EXPH5: variants seen among roughly 807,000 people sequenced by gnomAD.
EXPH5 encodes the protein exophilin 5.
In EXPH5, 42 loss-of-function variants were observed where a neutral mutation model predicts 41.1. The ratio of observed to expected loss-of-function variants is 1.02; its 90% CI spans 0.80 to 1.32. The LOEUF is 1.32. EXPH5 is among the 40% of genes most tolerant of loss of function. The pLI is 0.00. For synonymous variants in EXPH5, 798 were observed against 833.5 expected (o/e 0.96, Z 0.73); for missense variants, 2,298 against 2,314.5 (o/e 0.99, Z 0.15).
In EXPH5 at chr11:108,514,891, G is replaced by A. The variant is rs1686924460; in HGVS notation, c.632-16C>T. 1 of 1,396,500 alleles carries A rather than the reference G, an allele frequency of 7.2e-7. No homozygotes were observed. The highest frequency in any genetic ancestry group is 9.3e-7 in the Non-Finnish European group (1 of 1,070,270). 86.5% of individuals were successfully genotyped at this position (1,396,500 alleles called of 1,614,324 possible). On this transcript the variant is annotated splice_polypyrimidine_tract_variant and intron_variant, in intron 5 of 5. Transcript: ENST00000265843. ...TCATCTAAAACTGAAAAGAGAATGT[G>A]AATCAACCTTTTTCTGTATGTTTTT...
At chr11:108,524,316 T>C (rs956238332) in intron 4 of EXPH5, among the ~76,000 whole-genome samples, 1 of 152,204 alleles carries the variant, frequency 6.6e-6, no homozygotes, top group Non-Finnish European at 1.5e-5. Flanking sequence ...GCTGTAAGAA[T>C]TAGGTGAATT....
At position 108,511,286 on chromosome 11, in the gene EXPH5, T is replaced by G. The variant is rs969838832; in HGVS notation, c.4221A>C (p.Glu1407Asp). ...SLMLQRKNVSEEKSENCQQSI... is the reference protein window; with the variant it reads ...SLMLQRKNVSDEKSENCQQSI... ...ATTGTTGACAATTTTCAGATTTTTC[T>G]TCGGATACATTTTTTCTCTGAAGCA... The change falls in exon 6 of 6, where the codon GAA becomes GAC. Residue 1407 changes from glutamate to aspartate, a missense_variant. By Grantham distance (45) the Glu-to-Asp change is conservative. Coordinates refer to ENST00000265843, the MANE Select transcript of EXPH5 (RefSeq NM_015065.3). 3.1e-6 allele frequency: 5 copies of G among 1,603,708 alleles called. No homozygotes were observed. The highest frequency in any genetic ancestry group is 4.2e-6 in the Non-Finnish European group (5 of 1,177,110).
At chr11:108,582,481 A>G (rs2094101403) in intron 1 of EXPH5, among the ~76,000 whole-genome samples, 1 of 151,806 alleles carries the variant, frequency 6.6e-6, no homozygotes, top group African/African-American at 2.4e-5. Flanking sequence ...AAAAAAAAAA[A>G]GGATAGAAAA....
chr11:108,590,868 G>C (rs759736923), intron 1 of EXPH5, among the ~76,000 whole-genome samples: 22 of 152,136 alleles, frequency 1.4e-4, no homozygotes, highest in Non-Finnish European at 3.1e-4. Context: ...GGTCAGGCTG[G>C]TCTCAAACTC....
intron 1 of EXPH5, among the ~76,000 whole-genome samples, chr11:108,571,940 C>T (rs911337579): frequency 6.6e-6 from 1 of 151,396 alleles, no homozygotes; most frequent in Non-Finnish European, 1.5e-5. Context: ...CCCAGCTACT[C>T]GGAGAGGCTG....
intron 1 of EXPH5, among the ~76,000 whole-genome samples, chr11:108,588,647 C>T (rs536382575): frequency 6.6e-6 from 1 of 152,252 alleles, no homozygotes; most frequent in East Asian, 1.9e-4. Flanking sequence ...TGGGTCAATA[C>T]TCAACAAATG....
Position 108,511,854 on chromosome 11 carries a change from G to T in EXPH5, c.3653C>A (p.Ser1218Ter), listed in dbSNP as rs777021599. The change falls in exon 6 of 6, where the codon TCA (serine) becomes TAA (stop). Residue 1218 changes from serine to a stop codon, truncating the protein, a stop_gained. Coordinates refer to ENST00000265843, the MANE Select transcript of EXPH5 (RefSeq NM_015065.3). LOFTEE classifies it low-confidence loss of function (END_TRUNC). ...EDPLPFCSDL[S>*]GKERGKTLHK... is the part of the protein sequence containing the mutation. Reference sequence around the variant, plus strand: ...TAATGTTTTCCCACGTTCTTTTCCTGACAAGTCTGAGCAAAAAGGTAAAGG... The same window carrying T: ...TAATGTTTTCCCACGTTCTTTTCCTTACAAGTCTGAGCAAAAAGGTAAAGG... 36 of 1,589,156 alleles carry T rather than the reference G, an allele frequency of 2.3e-5. No individual in the cohort carries two copies. The highest frequency in any genetic ancestry group is 2.8e-5 in the Non-Finnish European group (33 of 1,172,488).
chr11:108,603,256 T>C, the EXPH5 span, among the ~76,000 whole-genome samples: 4 of 152,234 alleles, frequency 2.6e-5, no homozygotes, highest in Non-Finnish European at 5.9e-5. Flanking sequence ...GCCTTTTGGA[T>C]TGCTGAACAT....
upstream of EXPH5, among the ~76,000 whole-genome samples, chr11:108,598,083 A>T (rs2094141183): frequency 6.6e-6 from 1 of 152,110 alleles, no homozygotes; most frequent in East Asian, 1.9e-4. Context: ...AGGGTGGAGA[A>T]TGGGAGGGAT....
chr11:108,530,806 G>A (rs930668870), intron 3 of EXPH5, among the ~76,000 whole-genome samples: 16 of 152,204 alleles, frequency 1.1e-4, no homozygotes, highest in African/African-American at 1.7e-4. Context: ...GCGTGAGGGC[G>A]TGCCGCTAGT....
chr11:108,566,975 C>T (rs2094037465), intron 1 of EXPH5, among the ~76,000 whole-genome samples: 3 of 152,300 alleles, frequency 2.0e-5, no homozygotes. Flanking sequence ...CCACAAAACC[C>T]TTTAACACAG....
rs747989478 is a variant in EXPH5, at chr11:108,514,481, T to A, written c.1026A>T (p.Leu342Phe). ...TGCTCTGAGTTGTGGCTGGAAAATGTAAGCTTCTTGCTGTGAAATGCCCTG... is the reference window on the plus strand; with the variant it reads ...TGCTCTGAGTTGTGGCTGGAAAATGAAAGCTTCTTGCTGTGAAATGCCCTG... The part of the protein sequence containing the change: ...PATGHFTARS[L>F]HFPATTQSKS... Residue 342 changes from leucine to phenylalanine, a missense_variant, in exon 6 of 6, where the codon TTA becomes TTT. Transcript: ENST00000265843. 1.2e-6 allele frequency: 2 copies of A among 1,613,132 alleles called. No individual in the cohort carries two copies. Among genetic ancestry groups the A allele is most frequent in the South Asian group, 2.2e-5 (2 of 90,794 alleles).
At chr11:108,519,545 G>A (rs184072919) in intron 4 of EXPH5, among the ~76,000 whole-genome samples, 1 of 152,170 alleles carries the variant, frequency 6.6e-6, no homozygotes, top group Admixed American at 6.5e-5. Flanking sequence ...CCAGGAGTTC[G>A]AAACCAGCCT....
In EXPH5 at chr11:108,541,250, A is replaced by G. The variant is rs116207081; in HGVS notation, c.280+402T>C. Among the ~76,000 whole-genome samples the G allele has an allele frequency of 6.5e-3, 987 of 152,264 alleles. 15 individuals carry two copies. The highest frequency in any genetic ancestry group is 0.022 in the African/African-American group (926 of 41,552). Reference sequence around the variant, plus strand: ...AAACATAATTTTACTTAATTCTCGTAACCACCTTATGAGGTGTAGGTATCA... The same window carrying G: ...AAACATAATTTTACTTAATTCTCGTGACCACCTTATGAGGTGTAGGTATCA... On this transcript the variant is annotated intron_variant, in intron 2 of 5. Transcript: ENST00000265843.
chr11:108,545,289 C>A (rs2093932805), intron 1 of EXPH5, among the ~76,000 whole-genome samples: 1 of 152,104 alleles, frequency 6.6e-6, no homozygotes, highest in Non-Finnish European at 1.5e-5. Flanking sequence ...TTGCTTGCAC[C>A]TGTGGTCCTA....
upstream of EXPH5, chr11:108,593,815 G>GCCCTCCCTTGTC: frequency 2.1e-6 from 3 of 1,429,142 alleles, no homozygotes; most frequent in Non-Finnish European, 2.9e-6. Flanking sequence ...AAGGGGGCGG[G>GCCCTCCCTTGTC]CCCTCCCTTG....
At chr11:108,545,684 A>G (rs964927612) in intron 1 of EXPH5, among the ~76,000 whole-genome samples, 21 of 152,210 alleles carry the variant, frequency 1.4e-4, no homozygotes, top group Admixed American at 2.6e-4. Context: ...GGGAGGATCA[A>G]TTGAGGCCAG....
At chr11:108,519,495 C>T (rs2093750018) in intron 4 of EXPH5, among the ~76,000 whole-genome samples, 1 of 152,076 alleles carries the variant, frequency 6.6e-6, no homozygotes, top group Admixed American at 6.6e-5. Flanking sequence ...ACCTGTAATC[C>T]CCGCACTTTG....
rs2093713899 is a variant in EXPH5 at position 108,514,852 on chromosome 11, A to G, written c.655T>C (p.Leu219=). ...FQVLDDLDSK[L]AQEQSASSVN... ...GAGCTTGCAGACTGTTCCTGAGCCA[A>G]TTTGCTATCCAAGTCATCTAAAACT... Residue 219 remains leucine, a synonymous_variant, in exon 6 of 6, where the codon TTG becomes CTG. Transcript: ENST00000265843. 5 of 1,478,308 alleles carry G rather than the reference A, an allele frequency of 3.4e-6. No homozygotes were observed. Among genetic ancestry groups the G allele is most frequent in the Non-Finnish European group, 4.5e-6 (5 of 1,117,506 alleles). The allele number at this position is 1,478,308 out of a possible 1,614,324, so 91.6% of individuals were successfully genotyped here.
Sources: gnomAD v4.1 joint callset for allele counts (sites outside exome capture counted in the v4.1 genomes callset) on GRCh38, gnomAD v4.1.1 for gene constraint, MANE v1.5 for transcripts, NCBI Gene and HGNC (gene_info 2026-07-23, HGNC 2026-07-21) for gene names.